EPHA6: variants seen among roughly 807,000 people sequenced by gnomAD.
The protein encoded by EPHA6 is ephrin type-A receptor 6.
Under a neutral mutation model 112.0 loss-of-function variants are expected in EPHA6, and 50 were observed. The ratio of observed to expected loss-of-function variants is 0.45; its 90% CI spans 0.36 to 0.56. The LOEUF (loss-of-function observed/expected upper bound fraction) is 0.56, where lower values mean the gene tolerates loss of function less well. Among genes scored for constraint, EPHA6 ranks in the 20% least tolerant of loss-of-function variants. The pLI is 0.00. For synonymous variants in EPHA6, 529 were observed against 490.7 expected, an observed-to-expected ratio of 1.08 and a Z score of -1.03; for missense variants, 1,280 against 1,417.4, an observed-to-expected ratio of 0.90 and a Z score of 1.56.
Position 97,760,300 on chromosome 3 carries a change from G to A in EPHA6, c.*11599G>A, listed in dbSNP as rs1410017929. 5.8e-6 allele frequency: 1 copy of A among 171,828 alleles called. No individual in the cohort carries two copies. Among genetic ancestry groups the A allele is most frequent in the African/African-American group, 2.4e-5 (1 of 41,590 alleles). The allele number at this position is 171,828 out of a possible 1,614,324, so 10.6% of individuals were successfully genotyped here. A position where few individuals can be genotyped will look rare whatever the true frequency, so the allele number is the denominator to read the frequency against. ...CCCCTCTATCCTATAGGAAGAATGT[G>A]ATCTTTTAATTGTGCTTGGTGCTTT... On this transcript the variant is annotated 3_prime_UTR_variant, in exon 18 of 18. Transcript: ENST00000389672.
chr3:97,474,021 T>A (rs181335692), intron 7 of EPHA6, among the ~76,000 whole-genome samples: 45 of 151,994 alleles, frequency 3.0e-4, no homozygotes, highest in African/African-American at 1.1e-3. Context: ...CAGATTTTTT[T>A]AAAAGTCTCT....
At chr3:97,557,433 T>C (rs963094732) in intron 11 of EPHA6, among the ~76,000 whole-genome samples, 2 of 151,976 alleles carry the variant, frequency 1.3e-5, no homozygotes, top group Admixed American at 1.3e-4. Context: ...CCTAGCTCTT[T>C]ATTGGCCTGG....
At chr3:97,277,783 A>G (rs547700134) in intron 5 of EPHA6, among the ~76,000 whole-genome samples, 2 of 152,312 alleles carry the variant, frequency 1.3e-5, no homozygotes, top group South Asian at 4.1e-4. Flanking sequence ...TAGAACTGGA[A>G]TTTGCTTGGA....
At chr3:96,905,031 G>T (rs2038854793) in intron 2 of EPHA6, among the ~76,000 whole-genome samples, 1 of 151,946 alleles carries the variant, frequency 6.6e-6, no homozygotes, top group Non-Finnish European at 1.5e-5. Flanking sequence ...TTCTTTACTG[G>T]TATTAACTAT....
At chr3:97,039,368 A>G (rs189321643) in intron 3 of EPHA6, among the ~76,000 whole-genome samples, 2 of 152,244 alleles carry the variant, frequency 1.3e-5, no homozygotes, top group East Asian at 3.9e-4. Flanking sequence ...AGAGTGGTTC[A>G]TCGGAATTTC....
chr3:97,544,889 A>G (rs368950657), intron 11 of EPHA6, among the ~76,000 whole-genome samples: 2 of 152,060 alleles, frequency 1.3e-5, no homozygotes, highest in Admixed American at 6.6e-5. Flanking sequence ...AGAGGTGTTT[A>G]TAGTATTCTC....
At chr3:97,262,229 A>T (rs1389888561) in intron 5 of EPHA6, among the ~76,000 whole-genome samples, 1 of 152,150 alleles carries the variant, frequency 6.6e-6, no homozygotes, top group South Asian at 2.1e-4. Context: ...TCTCACCACA[A>T]TGTCTTGCCT....
chr3:97,077,727 C>T (rs182521110), intron 3 of EPHA6, among the ~76,000 whole-genome samples: 1 of 152,270 alleles, frequency 6.6e-6, no homozygotes, highest in African/African-American at 2.4e-5. Flanking sequence ...ATGAACTCAT[C>T]CTTTTTTATG....
Position 97,758,182 on chromosome 3 carries a change from G to T in EPHA6, c.*9481G>T, listed in dbSNP as rs965049577. On this transcript the variant is annotated 3_prime_UTR_variant, in exon 18 of 18. Transcript: ENST00000389672. Reference sequence around the variant, plus strand: ...AAGCTACTCCATTTACGTGTAATCTGCTTATTTTCTTCAGAGTTTCCAAAA... The same window carrying T: ...AAGCTACTCCATTTACGTGTAATCTTCTTATTTTCTTCAGAGTTTCCAAAA... Among the ~76,000 whole-genome samples, 1 of 151,910 alleles carries T rather than the reference G, an allele frequency of 6.6e-6. No homozygotes were observed. Among genetic ancestry groups the T allele is most frequent in the Non-Finnish European group, 1.5e-5 (1 of 67,842 alleles).
intron 2 of EPHA6, among the ~76,000 whole-genome samples, chr3:96,969,580 C>G (rs2042243419): frequency 6.6e-6 from 1 of 151,876 alleles, no homozygotes. Flanking sequence ...AAAATATAAC[C>G]TAATAAGGTA....
rs559211803 is a variant in EPHA6 at position 97,561,268 on chromosome 3, C to T, written c.2386+28725C>T. Among the ~76,000 whole-genome samples, 39 of 152,070 alleles carry T rather than the reference C, an allele frequency of 2.6e-4. No individual in the cohort carries two copies. The South Asian group carries it at 5.0e-3, about 19-fold the overall frequency. On this transcript the variant is annotated intron_variant, in intron 11 of 17. Coordinates refer to ENST00000389672, the MANE Select transcript of EPHA6 (RefSeq NM_001080448.3). ...AGCTCATAAAACTCAGTGAGGAAAG[C>T]GTGTAAAAAGCTGAGATTGACTGTA...
At chr3:96,821,276 T>A (rs1425137412) in intron 1 of EPHA6, among the ~76,000 whole-genome samples, 1 of 152,006 alleles carries the variant, frequency 6.6e-6, no homozygotes, top group Non-Finnish European at 1.5e-5. Context: ...TTAACACTCT[T>A]ACACACTGTT....
At position 97,476,963 on chromosome 3, in the gene EPHA6, GA is replaced by G. The variant is rs35038818; in HGVS notation, c.2003+1510del. Among the ~76,000 whole-genome samples, 281 of 152,034 alleles carry G rather than the reference GA, an allele frequency of 1.8e-3. 2 individuals are homozygous for G. The highest frequency in any genetic ancestry group is 6.4e-3 in the African/African-American group (266 of 41,500). ...GAATAATGCCAGCTACAGTAACAAGGAAAAAAACAGACATGAAAGAATGCAG... is the reference window on the plus strand; with the variant it reads ...GAATAATGCCAGCTACAGTAACAAGGAAAAAACAGACATGAAAGAATGCAG... On this transcript the variant is annotated intron_variant, in intron 8 of 17. Coordinates refer to ENST00000389672, the MANE Select transcript of EPHA6 (RefSeq NM_001080448.3).
chr3:96,990,946 A>G lies in EPHA6; in HGVS notation c.1114+2953A>G, dbSNP rs570678689. 9.2e-5 allele frequency among the ~76,000 whole-genome samples: 14 copies of G among 151,500 alleles called. No individual in the cohort carries two copies. In the South Asian group the frequency reaches 2.9e-3, roughly 31 times the overall value. Reference sequence around the variant, plus strand: ...GAAAAGAAAAAATGAGTATATCACTATTTTTCTTCTTGTCTATTCTGTGTA... The same window carrying G: ...GAAAAGAAAAAATGAGTATATCACTGTTTTTCTTCTTGTCTATTCTGTGTA... On this transcript the variant is annotated intron_variant, in intron 3 of 17. Transcript: ENST00000389672.
intron 13 of EPHA6, among the ~76,000 whole-genome samples, chr3:97,628,809 C>A (rs1161599981): frequency 3.3e-5 from 5 of 151,984 alleles, no homozygotes; most frequent in African/African-American, 1.2e-4. Context: ...GCACACTTTT[C>A]TTGTAAATTG....
At chr3:96,999,912 T>A (rs2107897520) in intron 3 of EPHA6, among the ~76,000 whole-genome samples, 1 of 152,014 alleles carries the variant, frequency 6.6e-6, no homozygotes, top group East Asian at 1.9e-4. Flanking sequence ...TCAGTGTCCA[T>A]ATCTTTTGGA....
intron 5 of EPHA6, among the ~76,000 whole-genome samples, chr3:97,302,290 T>C (rs1427073690): frequency 1.3e-5 from 2 of 151,930 alleles, no homozygotes; most frequent in Non-Finnish European, 2.9e-5. Flanking sequence ...TTTAAATCTG[T>C]TTTATTCTGC....
intron 10 of EPHA6, among the ~76,000 whole-genome samples, chr3:97,487,372 A>G (rs1249658163): frequency 6.6e-6 from 1 of 152,254 alleles, no homozygotes; most frequent in Non-Finnish European, 1.5e-5. Flanking sequence ...CACAAAAAGC[A>G]TGATATCACA....
chr3:97,697,895 G>A (rs1205301511), intron 14 of EPHA6, among the ~76,000 whole-genome samples: 4 of 152,096 alleles, frequency 2.6e-5, no homozygotes, highest in African/African-American at 9.7e-5. Context: ...TATACTCAGC[G>A]CCTGGCCCTA....
Sources: gnomAD v4.1 joint callset for allele counts (sites outside exome capture counted in the v4.1 genomes callset) on GRCh38, gnomAD v4.1.1 for gene constraint, MANE v1.5 for transcripts, NCBI Gene and HGNC (gene_info 2026-07-23, HGNC 2026-07-21) for gene names.